ADGRF3: variants seen among roughly 807,000 people sequenced by gnomAD.
The protein encoded by ADGRF3 is adhesion G protein-coupled receptor F3.
Under a neutral mutation model 93.2 loss-of-function variants are expected in ADGRF3, and 85 were observed. That is an observed-to-expected ratio of 0.91 (90% CI 0.77 to 1.09). The LOEUF is 1.09. Among genes scored for constraint, ADGRF3 ranks in the 50% least tolerant of loss-of-function variants. The pLI, the probability that ADGRF3 is intolerant of heterozygous loss-of-function variation, is 0.00. For synonymous variants in ADGRF3, 534 were observed against 532.5 expected (o/e 1.00, Z -0.04); for missense variants, 1,125 against 1,246.2 (o/e 0.90, Z 1.46).
At chr2:26,314,822 G>C in intron 5 of ADGRF3, 199 bp from the exon 6 acceptor site, 1 of 592,680 alleles carries the variant, frequency 1.7e-6, no homozygotes, top group South Asian at 2.0e-5. Flanking sequence ...AGGTAGAAGA[G>C]ATCTCTCTTT....
chr2:26,312,106 C>A, intron 9 of ADGRF3, 32 bp from the exon 10 acceptor site: 1 of 1,568,568 alleles, frequency 6.4e-7, no homozygotes. Context: ...TGAACCCCGT[C>A]TGCTGGCGCC....
At chr2:26,314,273 G>A (rs567137626) in intron 6 of ADGRF3, 141 bp downstream of exon 6, 16 of 796,126 alleles carry the variant, frequency 2.0e-5, no homozygotes, top group African/African-American at 1.7e-4. Context: ...CTCTGATGGG[G>A]TAGAAAACAG....
intron 9 of ADGRF3, 99 bp downstream of exon 9, chr2:26,312,844 C>T (rs766010727): frequency 1.0e-5 from 12 of 1,147,804 alleles, no homozygotes; most frequent in Non-Finnish European, 1.5e-5. Context: ...TGCTGCCCAA[C>T]AGCCCATGGT....
At chr2:26,318,159 G>T in intron 1 of ADGRF3, 1 of 1,340,198 alleles carries the variant, frequency 7.5e-7, no homozygotes, top group Non-Finnish European at 1.0e-6. Flanking sequence ...GGCCCAAGGA[G>T]AGAGAACATG....
intron 1 of ADGRF3, among the ~76,000 whole-genome samples, chr2:26,339,333 T>C (rs894562877): frequency 6.6e-6 from 1 of 151,858 alleles, no homozygotes; most frequent in Admixed American, 6.6e-5. Context: ...CCACCTCTAC[T>C]AAAAATACCA....
chr2:26,311,796 T>C lies in ADGRF3; in HGVS notation c.1728A>G (p.Pro576=), dbSNP rs1378067003. 1 of 1,613,790 alleles carries C rather than the reference T, an allele frequency of 6.2e-7. No homozygotes were observed. Residue 576 remains proline (P), a synonymous_variant, in exon 10 of 14, where the codon CCA becomes CCG. Transcript: ENST00000651242. ...TTATTTCAGTTCCATTACGGACCAATGGGGCCAGTGAGTGCCTGGGAATCT... is the reference window on the plus strand; with the variant it reads ...TTATTTCAGTTCCATTACGGACCAACGGGGCCAGTGAGTGCCTGGGAATCT... The part of the protein sequence containing the change: ...QAQIPRHSLA[P]LVRNGTEISI...
intron 9 of ADGRF3, among the ~76,000 whole-genome samples, chr2:26,312,511 G>T (rs1558381563): frequency 6.6e-6 from 1 of 152,206 alleles, no homozygotes; most frequent in East Asian, 1.9e-4. Flanking sequence ...GTATTCCCAG[G>T]CATAAACGGT....
At chr2:26,322,153 G>C (rs1205383845) in intron 1 of ADGRF3, among the ~76,000 whole-genome samples, 2 of 150,356 alleles carry the variant, frequency 1.3e-5, no homozygotes, top group Non-Finnish European at 3.0e-5. Context: ...GTGGTGGTGC[G>C]TGCCTGTAAT....
chr2:26,313,200 A>G, intron 8 of ADGRF3, 78 bp from the exon 9 acceptor site: 2 of 1,550,772 alleles, frequency 1.3e-6, no homozygotes. Flanking sequence ...ACCCATGGAG[A>G]TTGTTGACCC....
chr2:26,313,512 G>A lies in ADGRF3; in HGVS notation c.1134C>T (p.Gly378=). ...SVLTWNVTKA[G]HVAQAPCPES... ...CAGGACATGGGGCCTGTGCCACGTG[G>A]CCAGCCTTGGTGACATTCCAGGTGA... The change falls in exon 8 of 14, where the codon GGC becomes GGT. Residue 378 remains glycine (G), a synonymous_variant. Coordinates refer to ENST00000651242, the MANE Select transcript of ADGRF3 (RefSeq NM_001321971.2). 4 of 1,611,686 alleles carry A rather than the reference G, an allele frequency of 2.5e-6. No individual in the cohort carries two copies. The highest frequency in any genetic ancestry group is 3.4e-6 in the Non-Finnish European group (4 of 1,179,276).
chr2:26,345,331 T>G (rs2147936018), intron 1 of ADGRF3, among the ~76,000 whole-genome samples: 1 of 152,328 alleles, frequency 6.6e-6, no homozygotes, highest in African/African-American at 2.4e-5. Context: ...GGGCTCCAGT[T>G]ATGTAAAACA....
chr2:26,309,159 G>T (rs1345951497), intron 13 of ADGRF3, 52 bp from the exon 14 acceptor site: 1 of 1,613,888 alleles, frequency 6.2e-7, no homozygotes, highest in Non-Finnish European at 8.5e-7. Flanking sequence ...ACTTCTGCAG[G>T]CTGCCCTCCC....
At chr2:26,313,697 G>T (rs1674400758) in intron 7 of ADGRF3, 63 bp downstream of exon 7, 3 of 1,601,164 alleles carry the variant, frequency 1.9e-6, no homozygotes, top group Non-Finnish European at 2.6e-6. Flanking sequence ...TGCCATGCAA[G>T]AGAGCCCGTG....
rs768075986 is a variant in ADGRF3 at position 26,310,990 on chromosome 2, C to A, written c.2534G>T (p.Arg845Met). ...CCCATCCAACCAGCATTCCCCCTCC[C>A]TCAGGTATTGCCCTTGAGGTAGGTA... is the stretch of plus-strand genomic sequence containing the variant. Reference protein sequence around the residue: ...GLYLPQGQYLREGECWLDGKG... With the variant: ...GLYLPQGQYLMEGECWLDGKG... The change falls in exon 10 of 14, where the codon AGG (arginine) becomes ATG (methionine). Residue 845 changes from arginine to methionine, a missense_variant. Arg to Met is a moderately conservative substitution (Grantham distance 91). Transcript: ENST00000651242. The A allele has an allele frequency of 6.2e-7, 1 of 1,613,598 alleles. No homozygotes were observed. The highest frequency in any genetic ancestry group is 2.2e-5 in the East Asian group (1 of 44,846).
chr2:26,324,255 G>T (rs1261906345), intron 1 of ADGRF3, among the ~76,000 whole-genome samples: 4 of 151,868 alleles, frequency 2.6e-5, no homozygotes, highest in African/African-American at 9.7e-5. Flanking sequence ...TGTCTCAAAA[G>T]AAAAAAGAAA....
intron 1 of ADGRF3, among the ~76,000 whole-genome samples, chr2:26,323,634 T>G (rs1355131637): frequency 2.2e-5 from 1 of 46,038 alleles, no homozygotes; most frequent in Non-Finnish European, 5.8e-5. Context: ...TCTGTGTTTG[T>G]TTTTTTTTTT....
Position 26,310,749 on chromosome 2 carries a change from C to T in ADGRF3, c.2775G>A (p.Leu925=), listed in dbSNP as rs1021010569. The part of the protein sequence containing the change: ...GLTWGLGLAT[L]LEEVSTVPHY... ...GAGGGACCGTGGAGACTTCCTCTAA[C>T]AGAGTGGCCAGGCCCAGCCCCCAGG... The change falls in exon 10 of 14, where the codon CTG becomes CTA. Residue 925 remains leucine (L), a synonymous_variant. Transcript: ENST00000651242. 1.2e-6 allele frequency: 2 copies of T among 1,613,322 alleles called. No individual in the cohort carries two copies. The highest frequency in any genetic ancestry group is 1.7e-6 in the Non-Finnish European group (2 of 1,179,594).
In ADGRF3 at chr2:26,310,756, G is replaced by T; in HGVS notation, c.2768C>A (p.Ala923Asp). 1 of 1,613,354 alleles carries T rather than the reference G, an allele frequency of 6.2e-7. No homozygotes were observed. The highest frequency in any genetic ancestry group is 8.5e-7 in the Non-Finnish European group (1 of 1,179,592). The change falls in exon 10 of 14, where the codon GCC becomes GAC. Residue 923 changes from alanine (A) to aspartate (D), a missense_variant. Coordinates refer to ENST00000651242, the MANE Select transcript of ADGRF3 (RefSeq NM_001321971.2). ...IFGLTWGLGL[A>D]TLLEEVSTVP... ...CGTGGAGACTTCCTCTAACAGAGTGGCCAGGCCCAGCCCCCAGGTGAGGCC... is the reference window on the plus strand; with the variant it reads ...CGTGGAGACTTCCTCTAACAGAGTGTCCAGGCCCAGCCCCCAGGTGAGGCC...
intron 1 of ADGRF3, among the ~76,000 whole-genome samples, chr2:26,342,741 T>G (rs1016154608): frequency 6.6e-6 from 1 of 152,092 alleles, no homozygotes; most frequent in Admixed American, 6.5e-5. Flanking sequence ...AGAGCACAGA[T>G]GGGAATAACA....
Sources: gnomAD v4.1 joint callset for allele counts (sites outside exome capture counted in the v4.1 genomes callset) on GRCh38, gnomAD v4.1.1 for gene constraint, MANE v1.5 for transcripts, NCBI Gene and HGNC (gene_info 2026-07-23, HGNC 2026-07-21) for gene names.